Variants in B3GALT1 observed in about 807,000 individuals in gnomAD.
The protein encoded by B3GALT1 is beta-1,3-galactosyltransferase 1.
B3GALT1 carries 10 observed loss-of-function variants against 23.2 expected under a neutral mutation model. The observed-to-expected ratio is 0.43, with a 90% CI of 0.27 to 0.73. The LOEUF (loss-of-function observed/expected upper bound fraction) is 0.73, where lower values mean the gene tolerates loss of function less well. Ranked by LOEUF, B3GALT1 falls within the 30% of genes least tolerant of loss-of-function variation. The pLI, the probability that B3GALT1 is intolerant of heterozygous loss-of-function variation, is 0.21. For synonymous variants in B3GALT1, 156 were observed against 141.5 expected (o/e 1.10, Z -0.73); for missense variants, 299 against 405.4 (o/e 0.74, Z 2.25).
At chr2:167,432,210 A>G (rs981124930) in intron 1 of B3GALT1, among the ~76,000 whole-genome samples, 1 of 152,208 alleles carries the variant, frequency 6.6e-6, no homozygotes, top group Non-Finnish European at 1.5e-5. Flanking sequence ...TGCAGTAATG[A>G]TGACTGCAGA....
chr2:167,715,672 A>G, intron 3 of B3GALT1: 20 of 1,613,544 alleles, frequency 1.2e-5, no homozygotes, highest in Non-Finnish European at 1.7e-5. Context: ...TCAGCTTTTC[A>G]CAGGTTGCCT....
intron 2 of B3GALT1, among the ~76,000 whole-genome samples, chr2:167,505,729 A>T (rs1699908216): frequency 6.6e-6 from 1 of 152,132 alleles, no homozygotes; most frequent in Admixed American, 6.5e-5. Context: ...CTGGGAAAAA[A>T]ATCTAGACTC....
chr2:167,447,570 C>G (rs937541183), intron 1 of B3GALT1, among the ~76,000 whole-genome samples: 14 of 152,132 alleles, frequency 9.2e-5, no homozygotes, highest in Non-Finnish European at 1.0e-4. Context: ...GGCAGGCACC[C>G]CTCCCCCAGC....
At chr2:167,471,620 G>A (rs1699419182) in intron 1 of B3GALT1, among the ~76,000 whole-genome samples, 1 of 152,098 alleles carries the variant, frequency 6.6e-6, no homozygotes, top group Non-Finnish European at 1.5e-5. Context: ...ACTGACCAGA[G>A]GTAGCCTTTC....
intron 1 of B3GALT1, among the ~76,000 whole-genome samples, chr2:167,426,611 G>GT (rs1485329420): frequency 1.3e-5 from 2 of 151,994 alleles, no homozygotes; most frequent in African/African-American, 4.8e-5. Flanking sequence ...GTACCTTTTT[G>GT]TTTCCACTAC....
At chr2:167,820,523 TGGTGATGTGGCTCAA>T (rs1558990577) in intron 4 of B3GALT1, among the ~76,000 whole-genome samples, 1 of 152,188 alleles carries the variant, frequency 6.6e-6, no homozygotes, top group Non-Finnish European at 1.5e-5. Flanking sequence ...ACATTCTGAC[TGGTGATGTGGCTCAA>T]GGTGTGGTTT....
intron 2 of B3GALT1, among the ~76,000 whole-genome samples, chr2:167,569,214 T>C (rs1354847856): frequency 6.6e-6 from 1 of 151,812 alleles, no homozygotes; most frequent in African/African-American, 2.4e-5. Context: ...ATTTTTTGCC[T>C]CCCCATATAA....
intron 1 of B3GALT1, among the ~76,000 whole-genome samples, chr2:167,370,009 T>C (rs928860190): frequency 1.3e-5 from 2 of 152,208 alleles, no homozygotes; most frequent in African/African-American, 4.8e-5. Flanking sequence ...TAATATTCTG[T>C]ATATTTGTTT....
intron 2 of B3GALT1, among the ~76,000 whole-genome samples, chr2:167,617,755 A>G (rs1685186512): frequency 1.3e-5 from 2 of 152,048 alleles, no homozygotes; most frequent in South Asian, 4.1e-4. Context: ...TCACTTAATT[A>G]ATTAATGAGG....
intron 3 of B3GALT1, among the ~76,000 whole-genome samples, chr2:167,733,541 C>T (rs995350380): frequency 6.6e-6 from 1 of 152,080 alleles, no homozygotes; most frequent in Non-Finnish European, 1.5e-5. Context: ...TAGTTTCTCA[C>T]TTTCTAAAAC....
intron 2 of B3GALT1, among the ~76,000 whole-genome samples, chr2:167,582,071 A>G (rs1684493908): frequency 6.6e-6 from 1 of 152,206 alleles, no homozygotes; most frequent in Non-Finnish European, 1.5e-5. Flanking sequence ...AAATGAAAGG[A>G]AAAACCAAGC....
intron 2 of B3GALT1, among the ~76,000 whole-genome samples, chr2:167,604,643 T>C (rs886570405): frequency 3.3e-5 from 5 of 151,994 alleles, no homozygotes; most frequent in Non-Finnish European, 7.4e-5. Context: ...GTCATAGACT[T>C]TAAGGAGGTA....
At chr2:167,333,257 C>T (rs1697003004) in intron 1 of B3GALT1, among the ~76,000 whole-genome samples, 3 of 152,024 alleles carry the variant, frequency 2.0e-5, no homozygotes, top group Non-Finnish European at 4.4e-5. Flanking sequence ...ATACTTAAAC[C>T]CTAAAGTAAT....
rs531841263 is a variant in B3GALT1, at chr2:167,747,728, A to G, written c.-351-70944A>G. On this transcript the variant is annotated intron_variant, in intron 3 of 4. Transcript: ENST00000392690. Reference sequence around the variant, plus strand: ...CTGCGGAATTTCATCTGGGATCACTATATACACAATAGTCATGGAGAATGG... The same window carrying G: ...CTGCGGAATTTCATCTGGGATCACTGTATACACAATAGTCATGGAGAATGG... 3.1e-4 allele frequency among the ~76,000 whole-genome samples: 47 copies of G among 152,348 alleles called. 2 individuals carry two copies. In the South Asian group the frequency reaches 9.7e-3, roughly 32 times the overall value.
intron 4 of B3GALT1, among the ~76,000 whole-genome samples, chr2:167,835,464 G>A (rs1303964998): frequency 6.9e-6 from 1 of 144,914 alleles, no homozygotes; most frequent in Non-Finnish European, 1.5e-5. Context: ...CTGCAAAGTG[G>A]CAGCGAGGCT....
intron 4 of B3GALT1, among the ~76,000 whole-genome samples, chr2:167,828,615 C>A (rs1286661853): frequency 6.6e-6 from 1 of 152,210 alleles, no homozygotes; most frequent in Non-Finnish European, 1.5e-5. Context: ...AAATTGATAT[C>A]TTCACAAGGA....
At chr2:167,592,794 T>C (rs758183229) in intron 2 of B3GALT1, among the ~76,000 whole-genome samples, 4 of 152,088 alleles carry the variant, frequency 2.6e-5, no homozygotes, top group Non-Finnish European at 4.4e-5. Context: ...GTTAATCTTA[T>C]CCTGGAAAAA....
At chr2:167,496,946 C>T (rs952042875) in intron 2 of B3GALT1, among the ~76,000 whole-genome samples, 6 of 152,050 alleles carry the variant, frequency 3.9e-5, no homozygotes, top group Non-Finnish European at 8.8e-5. Flanking sequence ...TTTCTCCTTG[C>T]GATAGTTAAA....
intron 1 of B3GALT1, among the ~76,000 whole-genome samples, chr2:167,478,344 T>C (rs1699515484): frequency 6.6e-6 from 1 of 152,154 alleles, no homozygotes; most frequent in Non-Finnish European, 1.5e-5. Flanking sequence ...GAAGAGAGCA[T>C]GGCGATTTAT....
Sources: gnomAD v4.1 joint callset for allele counts (sites outside exome capture counted in the v4.1 genomes callset) on GRCh38, gnomAD v4.1.1 for gene constraint, MANE v1.5 for transcripts, NCBI Gene and HGNC (gene_info 2026-07-23, HGNC 2026-07-21) for gene names.